Variants in STYXL2 observed in about 807,000 individuals in gnomAD.
The protein encoded by STYXL2 is serine/threonine/tyrosine-interacting-like protein 2.
In STYXL2, 44 loss-of-function variants were observed where a neutral mutation model predicts 52.4. The observed-to-expected ratio is 0.84, with a 90% CI of 0.66 to 1.08. STYXL2 has a LOEUF of 1.08. Ranked by LOEUF, STYXL2 falls within the 50% of genes least tolerant of loss-of-function variation. The probability of loss-of-function intolerance (pLI) is 0.00; values close to 1 mark genes in which losing one functional copy is unlikely to be tolerated. For synonymous variants in STYXL2, 604 were observed against 586.9 expected, an observed-to-expected ratio of 1.03 and a Z score of -0.42; for missense variants, 1,604 against 1,471.7, an observed-to-expected ratio of 1.09 and a Z score of -1.47.
At chr1:167,095,373 G>A (rs1238472538) in intron 2 of STYXL2, among the ~76,000 whole-genome samples, 1 of 151,506 alleles carries the variant, frequency 6.6e-6, no homozygotes, top group Non-Finnish European at 1.5e-5. Context: ...GGGATGAGGA[G>A]AGGAGAAGCC....
At chr1:167,104,840 A>T (rs1667478213) in intron 2 of STYXL2, among the ~76,000 whole-genome samples, 1 of 151,582 alleles carries the variant, frequency 6.6e-6, no homozygotes, top group Admixed American at 6.6e-5. Context: ...CTTCCAAGGG[A>T]CTCCTTGACA....
Position 167,126,367 on chromosome 1 carries a change from A to C in STYXL2, c.1236A>C (p.Gly412=). The C allele has an allele frequency of 1.3e-6, 2 of 1,544,700 alleles. No homozygotes were observed. Among genetic ancestry groups the C allele is most frequent in the Non-Finnish European group, 1.7e-6 (2 of 1,143,982 alleles). ...AAGCAGAAGGGTACCGGAGGTGGGG[A>C]AGGGAGGAGGAGAAGGAGGAGGAGA... ...RYQAEGYRRW[G]REEEKEEESD... Residue 412 remains glycine (G), a synonymous_variant, in exon 6 of 6, where the codon GGA becomes GGC. Coordinates refer to ENST00000361200, the MANE Select transcript of STYXL2 (RefSeq NM_001080426.3).
chr1:167,109,706 C>G (rs898299584), intron 2 of STYXL2, among the ~76,000 whole-genome samples: 3 of 152,162 alleles, frequency 2.0e-5, no homozygotes, highest in Non-Finnish European at 4.4e-5. Context: ...TGTTTCCCCC[C>G]TATACTACCG....
intron 2 of STYXL2, among the ~76,000 whole-genome samples, chr1:167,099,773 A>T (rs942096265): frequency 1.3e-5 from 2 of 152,250 alleles, no homozygotes; most frequent in African/African-American, 4.8e-5. Context: ...ACTCTTCATA[A>T]ATACTTAACA....
intron 2 of STYXL2, among the ~76,000 whole-genome samples, chr1:167,103,235 C>T (rs1338136425): frequency 6.6e-6 from 1 of 152,216 alleles, no homozygotes; most frequent in African/African-American, 2.4e-5. Flanking sequence ...AAAGCTTTAA[C>T]TTAATTACTC....
Position 167,125,906 on chromosome 1 carries a change from CG to C in STYXL2, c.778del (p.Ala260ProfsTer9). ...GGCTTTGATGACCGTGCGTAAGAAGCGGGCCATCTACCCCAATGAGGGCTTC... is the reference window on the plus strand; with the variant it reads ...GGCTTTGATGACCGTGCGTAAGAAGCGGCCATCTACCCCAATGAGGGCTTC... Reference protein sequence around the residue: ...LEALMTVRKKRAIYPNEGFLK... With the variant: ...LEALMTVRKKXAIYPNEGFLK... On this transcript the variant is annotated frameshift_variant, in exon 6 of 6. Coordinates refer to ENST00000361200, the MANE Select transcript of STYXL2 (RefSeq NM_001080426.3). LOFTEE classifies it low-confidence loss of function (END_TRUNC). 1.2e-6 allele frequency: 2 copies of C among 1,614,064 alleles called. No homozygotes were observed. The highest frequency in any genetic ancestry group is 1.7e-6 in the Non-Finnish European group (2 of 1,179,988).
At chr1:167,116,489 T>A (rs1466627925) in intron 3 of STYXL2, among the ~76,000 whole-genome samples, 1 of 152,124 alleles carries the variant, frequency 6.6e-6, no homozygotes, top group Admixed American at 6.5e-5. Flanking sequence ...GTAAATTAGG[T>A]GTATATTAGA....
In STYXL2 at chr1:167,094,701, C is replaced by G. The variant is rs906930719; in HGVS notation, c.-16-133C>G. 9 of 643,558 alleles carry G rather than the reference C, an allele frequency of 1.4e-5. No individual in the cohort carries two copies. In the Admixed American group the frequency reaches 2.1e-4, roughly 15 times the overall value. The allele number at this position is 643,558 out of a possible 1,614,324, so 39.9% of individuals were successfully genotyped here. On this transcript the variant is annotated intron_variant, in intron 1 of 5. Coordinates refer to ENST00000361200, the MANE Select transcript of STYXL2 (RefSeq NM_001080426.3). ...CTGGGCCAGGTCTGACTGGATATTC[C>G]TTGCTGGTCTTTTGCCCACCGGGAC...
intron 5 of STYXL2, among the ~76,000 whole-genome samples, chr1:167,125,584 G>C (rs116789572): frequency 0.011 from 1,714 of 152,276 alleles, 33 homozygotes; most frequent in African/African-American, 0.039. Context: ...AGGGCCAGTG[G>C]GGATTGTGAT....
intron 4 of STYXL2, 94 bp from the exon 5 acceptor site, chr1:167,119,155 G>A (rs757073175): frequency 2.6e-6 from 3 of 1,153,626 alleles, no homozygotes; most frequent in Non-Finnish European, 2.5e-6. Context: ...GCCCAGCTGT[G>A]GCCCTAGACT....
chr1:167,105,911 C>G (rs868799047), intron 2 of STYXL2, among the ~76,000 whole-genome samples: 3 of 152,294 alleles, frequency 2.0e-5, no homozygotes, highest in East Asian at 3.9e-4. Flanking sequence ...TTCATCCCCC[C>G]TCTTTTCTCA....
chr1:167,127,514 ATGCAGTCTG>A lies in STYXL2; in HGVS notation c.2387_2395del (p.Gln796_Val798del). The A allele has an allele frequency of 6.2e-7, 1 of 1,614,136 alleles. No homozygotes were observed. The highest frequency in any genetic ancestry group is 8.5e-7 in the Non-Finnish European group (1 of 1,180,014). On this transcript the variant is annotated inframe_deletion, in exon 6 of 6. Transcript: ENST00000361200. ...GAGCCAGGCAAGACCCAGCTCTGAC[ATGCAGTCTG>A]TGCTGTCCTGCAACACCACACTGAG...
Position 167,094,391 on chromosome 1 carries a change from G to A in STYXL2, c.-17+197G>A, listed in dbSNP as rs151337483. 458 of 170,502 alleles carry A rather than the reference G, an allele frequency of 2.7e-3. 1 individual carries two copies. Among genetic ancestry groups the A allele is most frequent in the Middle Eastern group, 3.0e-3 (1 of 336 alleles). The allele number at this position is 170,502 out of a possible 1,614,324, so 10.6% of individuals were successfully genotyped here. On this transcript the variant is annotated intron_variant, in intron 1 of 5. Coordinates refer to ENST00000361200, the MANE Select transcript of STYXL2 (RefSeq NM_001080426.3). ...TCCTGTGGCCTTGGTTAGAGACACC[G>A]AAGGCCAGCTGTGTCTTCCCCAGCA...
intron 2 of STYXL2, 110 bp from the exon 3 acceptor site, chr1:167,113,600 C>A (rs1667660156): frequency 1.2e-6 from 1 of 829,162 alleles, no homozygotes; most frequent in Non-Finnish European, 2.1e-6. Flanking sequence ...GCCTTGATCA[C>A]TCGTTGTTCC....
chr1:167,126,305 A>T lies in STYXL2; in HGVS notation c.1174A>T (p.Ile392Phe). The T allele has an allele frequency of 6.6e-7, 1 of 1,524,280 alleles. No homozygotes were observed. 94.4% of individuals were successfully genotyped at this position (1,524,280 alleles called of 1,614,324 possible). A position where few individuals can be genotyped will look rare whatever the true frequency, so the allele number is the denominator to read the frequency against. The part of the protein sequence containing the change: ...EELEDEDVER[I>F]IQEWQSRNER... ...GCTCGAGGACGAGGACGTGGAGAGG[A>T]TCATCCAGGAGTGGCAGAGCCGAAA... is the stretch of plus-strand genomic sequence containing the variant. Residue 392 changes from isoleucine (I) to phenylalanine (F), a missense_variant, in exon 6 of 6, where the codon ATC (isoleucine) becomes TTC (phenylalanine). By Grantham distance (21) the Ile-to-Phe change is conservative (BLOSUM62 0). Coordinates refer to ENST00000361200, the MANE Select transcript of STYXL2 (RefSeq NM_001080426.3).
Position 167,127,946 on chromosome 1 carries a change from C to A in STYXL2, c.2815C>A (p.Leu939Ile). The A allele has an allele frequency of 6.2e-7, 1 of 1,614,136 alleles. No homozygotes were observed. The highest frequency in any genetic ancestry group is 8.5e-7 in the Non-Finnish European group (1 of 1,180,016). ...GATGGATAGCAGTATTAATAAGTGG[C>A]TCAGTGGCCTCAGGACGGAGGAAAA... ...KEMDSSINKW[L>I]SGLRTEEKPP... The change falls in exon 6 of 6, where the codon CTC becomes ATC. Residue 939 changes from leucine (L) to isoleucine (I), a missense_variant. Leu to Ile is a conservative substitution (Grantham distance 5, BLOSUM62 2). Coordinates refer to ENST00000361200, the MANE Select transcript of STYXL2 (RefSeq NM_001080426.3).
chr1:167,122,839 G>A (rs1558025700), intron 5 of STYXL2, among the ~76,000 whole-genome samples: 1 of 152,006 alleles, frequency 6.6e-6, no homozygotes, highest in Non-Finnish European at 1.5e-5. Flanking sequence ...GCTAATTTTT[G>A]TATTTTCAGT....
Position 167,125,785 on chromosome 1 carries a change from A to G in STYXL2, c.656-2A>G. On this transcript the variant is annotated splice_acceptor_variant, in intron 5 of 5. Coordinates refer to ENST00000361200, the MANE Select transcript of STYXL2 (RefSeq NM_001080426.3). LOFTEE classifies it high-confidence loss of function. ...TCATTTTCTCTTGTGTTTTCATTTC[A>G]GGGAAAGTCCTGGTCAGCAGCGAAA... The G allele has an allele frequency of 1.9e-6, 3 of 1,575,586 alleles. No individual in the cohort carries two copies. The highest frequency in any genetic ancestry group is 1.9e-5 in the Admixed American group (1 of 53,002).
At position 167,126,023 on chromosome 1, in the gene STYXL2, G is replaced by A; in HGVS notation, c.892G>A (p.Gly298Ser). 6.2e-7 allele frequency: 1 copy of A among 1,600,502 alleles called. No individual in the cohort carries two copies. The highest frequency in any genetic ancestry group is 8.5e-7 in the Non-Finnish European group (1 of 1,173,500). ...GGGGGGATCAGCTGAGGCTGAGGAG[G>A]GCGAGGGCACTGGGAGCATGCTCGG... ...REGGSAEAEE[G>S]EGTGSMLGAR... The change falls in exon 6 of 6, where the codon GGC (glycine) becomes AGC (serine). Residue 298 changes from glycine to serine, a missense_variant. By Grantham distance (56) the Gly-to-Ser change is moderately conservative. Coordinates refer to ENST00000361200, the MANE Select transcript of STYXL2 (RefSeq NM_001080426.3).
Sources: gnomAD v4.1 joint callset for allele counts (sites outside exome capture counted in the v4.1 genomes callset) on GRCh38, gnomAD v4.1.1 for gene constraint, MANE v1.5 for transcripts, NCBI Gene and HGNC (gene_info 2026-07-23, HGNC 2026-07-21) for gene names.